Variants in EML4 observed in about 807,000 individuals in gnomAD.
EML4 encodes echinoderm microtubule-associated protein-like 4.
Under a neutral mutation model 129.0 loss-of-function variants are expected in EML4, and 72 were observed. The observed-to-expected ratio is 0.56, with a 90% CI of 0.46 to 0.68. The LOEUF (loss-of-function observed/expected upper bound fraction) is 0.68. Among genes scored for constraint, EML4 ranks in the 30% least tolerant of loss-of-function variants. The pLI is 0.00. For synonymous variants in EML4, 532 were observed against 405.0 expected, an observed-to-expected ratio of 1.31 and a Z score of -3.77; for missense variants, 1,363 against 1,190.6, an observed-to-expected ratio of 1.14 and a Z score of -2.13.
chr2:42,203,114 A>C (rs1672335814), intron 1 of EML4, among the ~76,000 whole-genome samples: 2 of 152,214 alleles, frequency 1.3e-5, no homozygotes, highest in South Asian at 4.1e-4. Flanking sequence ...TAAAGAAGTA[A>C]GTATTTGAGG....
chr2:42,332,441 A>G lies in EML4; in HGVS notation c.*2234A>G, dbSNP rs1164167204. The stretch of plus-strand genomic sequence containing the variant: ...AAACTTGTGAATGAAAATGAATCCA[A>G]GTGTTTCATGTGAAGATGTTGAGCC... On this transcript the variant is annotated 3_prime_UTR_variant, in exon 23 of 23. Transcript: ENST00000318522. 1.0e-5 allele frequency: 2 copies of G among 200,940 alleles called. No individual in the cohort carries two copies. Among genetic ancestry groups the G allele is most frequent in the African/African-American group, 4.6e-5 (2 of 43,474 alleles). 12.4% of individuals were successfully genotyped at this position (200,940 alleles called of 1,614,324 possible). A position where few individuals can be genotyped will look rare whatever the true frequency, so the allele number is the denominator to read the frequency against.
intron 2 of EML4, 129 bp downstream of exon 2, chr2:42,245,816 T>C (rs1260368426): frequency 2.7e-5 from 24 of 888,760 alleles, no homozygotes; most frequent in Admixed American, 2.2e-4. Flanking sequence ...CCATTTCGTT[T>C]TTTTAATTCC....
chr2:42,169,813 C>A, intron 1 of EML4, 177 bp downstream of exon 1: 1 of 615,976 alleles, frequency 1.6e-6, no homozygotes, highest in Non-Finnish European at 2.6e-6. Context: ...GGGCCCCTCC[C>A]CCATGTCCAA....
At chr2:42,238,530 G>A (rs1425876068) in intron 1 of EML4, among the ~76,000 whole-genome samples, 1 of 152,192 alleles carries the variant, frequency 6.6e-6, no homozygotes, top group African/African-American at 2.4e-5. Context: ...ATTGCTTGAG[G>A]ATGGGAATTC....
intron 13 of EML4, among the ~76,000 whole-genome samples, chr2:42,299,519 T>C (rs1458303023): frequency 6.6e-6 from 1 of 152,188 alleles, no homozygotes; most frequent in Non-Finnish European, 1.5e-5. Context: ...AGAAAGCCTG[T>C]ACCCATTAGT....
chr2:42,202,243 G>C (rs1418500913), intron 1 of EML4, among the ~76,000 whole-genome samples: 1 of 152,146 alleles, frequency 6.6e-6, no homozygotes, highest in Non-Finnish European at 1.5e-5. Context: ...TCTGTAGTTA[G>C]TAATAAGGTA....
intron 8 of EML4, among the ~76,000 whole-genome samples, chr2:42,283,641 A>G (rs1392644550): frequency 1.3e-5 from 2 of 152,292 alleles, no homozygotes; most frequent in East Asian, 3.9e-4. Context: ...TTTATCCAGA[A>G]AAAAATTAAT....
At chr2:42,239,974 A>G (rs1039641443) in intron 1 of EML4, among the ~76,000 whole-genome samples, 9 of 152,324 alleles carry the variant, frequency 5.9e-5, no homozygotes, top group Middle Eastern at 6.8e-3. Flanking sequence ...AATGCATAAT[A>G]TAGTCATCAG....
chr2:42,291,259 A>G (rs1400841871), intron 11 of EML4, among the ~76,000 whole-genome samples: 3 of 152,208 alleles, frequency 2.0e-5, no homozygotes. Flanking sequence ...GCATCTTAGC[A>G]TGAAAGGTAA....
chr2:42,264,933 C>A (rs1012761740), intron 6 of EML4: 2 of 1,549,860 alleles, frequency 1.3e-6, no homozygotes, highest in African/African-American at 1.4e-5. Context: ...AATGTCAACT[C>A]GCGAAAAAAA....
chr2:42,174,253 T>G (rs1670441087), intron 1 of EML4, among the ~76,000 whole-genome samples: 1 of 152,172 alleles, frequency 6.6e-6, no homozygotes, highest in South Asian at 2.1e-4. Flanking sequence ...TCATCTAGTA[T>G]TACCTCAGTG....
chr2:42,264,618 TTAA>T (rs1246147560), intron 5 of EML4, 85 bp from the exon 6 acceptor site: 13 of 780,738 alleles, frequency 1.7e-5, no homozygotes, highest in Non-Finnish European at 2.8e-5. Flanking sequence ...AGCCTAAGCA[TTAA>T]AACTTTTACA....
chr2:42,280,711 A>C, intron 6 of EML4, 139 bp from the exon 7 acceptor site: 1 of 646,488 alleles, frequency 1.5e-6, no homozygotes, highest in South Asian at 2.3e-5. Context: ...CTATATAACA[A>C]AAACAATTGT....
intron 8 of EML4, among the ~76,000 whole-genome samples, chr2:42,284,170 C>T (rs1667165605): frequency 6.6e-6 from 1 of 152,142 alleles, no homozygotes; most frequent in Non-Finnish European, 1.5e-5. Context: ...TTGCTGTTTT[C>T]TTTTGTTGAA....
chr2:42,285,589 TTTTTTTTC>T lies in EML4; in HGVS notation c.1012-664_1012-657del, dbSNP rs1214772927. 1.1e-4 allele frequency among the ~76,000 whole-genome samples: 16 copies of T among 151,554 alleles called. No individual in the cohort carries two copies. In the East Asian group the frequency reaches 2.1e-3, roughly 20 times the overall value. On this transcript the variant is annotated intron_variant, in intron 9 of 22. Transcript: ENST00000318522. Reference sequence around the variant, plus strand: ...TGGATTAGAATCCTGACTCCACCTTTTTTTTTTCTTTTTTTCTTTTTTTTTTTGAGACG... The same window carrying T: ...TGGATTAGAATCCTGACTCCACCTTTTTTTTTTCTTTTTTTTTTTGAGACG...
chr2:42,277,142 G>T (rs548922152), intron 6 of EML4, among the ~76,000 whole-genome samples: 1 of 151,988 alleles, frequency 6.6e-6, no homozygotes, highest in Admixed American at 6.6e-5. Context: ...TCTATTAAAT[G>T]TCTTTTTTAT....
chr2:42,301,781 C>T (rs953352753), intron 14 of EML4, among the ~76,000 whole-genome samples: 2 of 151,930 alleles, frequency 1.3e-5, no homozygotes, highest in East Asian at 3.9e-4. Flanking sequence ...CCTGATAGTA[C>T]TGCTCTTGGA....
chr2:42,314,996 T>C (rs769039904), intron 17 of EML4, among the ~76,000 whole-genome samples: 22 of 152,220 alleles, frequency 1.4e-4, no homozygotes, highest in Non-Finnish European at 2.6e-4. Context: ...TCAAAAAATT[T>C]AGAGCTTCCC....
intron 1 of EML4, 33 bp downstream of exon 1, chr2:42,169,669 C>A (rs1017803934): frequency 6.3e-7 from 1 of 1,595,610 alleles, no homozygotes. Context: ...GCGTCTTCTG[C>A]GAAGGGTAGG....
Sources: allele counts gnomAD v4.1 joint callset (sites outside exome capture counted in the v4.1 genomes callset), GRCh38; gene constraint gnomAD v4.1.1; transcripts MANE v1.5; gene names NCBI Gene and HGNC (gene_info 2026-07-23, HGNC 2026-07-21).